Variants in DOCK1 observed in about 807,000 individuals in gnomAD.
DOCK1 encodes dedicator of cytokinesis 1, also known as dedicator of cytokinesis protein 1.
A neutral mutation model predicts 262.7 loss-of-function variants in DOCK1; 138 were observed. The ratio of observed to expected loss-of-function variants is 0.53; its 90% CI spans 0.46 to 0.61. DOCK1 has a LOEUF of 0.61. Among genes scored for constraint, DOCK1 ranks in the 20% least tolerant of loss-of-function variants. The probability of loss-of-function intolerance (pLI) is 0.00; values close to 1 mark genes in which losing one functional copy is unlikely to be tolerated. For synonymous variants in DOCK1, 866 were observed against 867.4 expected (o/e 1.00, Z 0.03); for missense variants, 1,908 against 2,370.7 (o/e 0.80, Z 4.05).
At chr10:127,324,091 A>G (rs891416953) in intron 29 of DOCK1, among the ~76,000 whole-genome samples, 3 of 152,216 alleles carry the variant, frequency 2.0e-5, no homozygotes, top group Non-Finnish European at 4.4e-5. Context: ...GGAAACAAAG[A>G]TACTCTCAAG....
rs1316504 is a variant in DOCK1 at position 127,256,460 on chromosome 10, G to A, written c.2950-875G>A. 7.0e-3 allele frequency among the ~76,000 whole-genome samples: 1,058 copies of A among 152,204 alleles called. 53 individuals carry two copies. The East Asian group carries it at 0.14, about 21-fold the overall frequency. On this transcript the variant is annotated intron_variant, in intron 28 of 51. Coordinates refer to ENST00000623213, the MANE Select transcript of DOCK1 (RefSeq NM_001290223.2). ...GCCTCATTTTTCTAAGACAGTTCTC[G>A]GTTGTCTTTTCATTTCCTACCTTGA... is the stretch of plus-strand genomic sequence containing the variant.
At chr10:127,443,255 G>T (rs1190300895) in intron 49 of DOCK1, among the ~76,000 whole-genome samples, 1 of 152,198 alleles carries the variant, frequency 6.6e-6, no homozygotes, top group Non-Finnish European at 1.5e-5. Context: ...CTGTTACTGG[G>T]AAGTGTGCAG....
At chr10:127,072,359 G>C (rs570914377) in intron 23 of DOCK1, among the ~76,000 whole-genome samples, 1 of 152,256 alleles carries the variant, frequency 6.6e-6, no homozygotes, top group East Asian at 1.9e-4. Context: ...TGGTTCCATT[G>C]GAGTGAGCAA....
intron 27 of DOCK1, among the ~76,000 whole-genome samples, chr10:127,237,688 A>G (rs1265757214): frequency 1.3e-5 from 2 of 152,216 alleles, no homozygotes; most frequent in Non-Finnish European, 2.9e-5. Flanking sequence ...AAGTTAAAAT[A>G]CCTAAATCAT....
rs2063716886 is a variant in DOCK1, at chr10:127,347,878, C to T, written c.3224+4132C>T. Among the ~76,000 whole-genome samples the T allele has an allele frequency of 1.6e-4, 8 of 50,520 alleles. 1 individual carries two copies. The highest frequency in any genetic ancestry group is 1.1e-3 in the Admixed American group (6 of 5,660). The allele number at this position is 50,520 out of a possible 152,430, so 33.1% of individuals were successfully genotyped here. A position where few individuals can be genotyped will look rare whatever the true frequency, so the allele number is the denominator to read the frequency against. Reference sequence around the variant, plus strand: ...CCTTCCCTTCCCTTCCCTTCCCTTCCCTTCCCATCCCTTCCCTTCCCCCTT... The same window carrying T: ...CCTTCCCTTCCCTTCCCTTCCCTTCTCTTCCCATCCCTTCCCTTCCCCCTT... On this transcript the variant is annotated intron_variant, in intron 31 of 51. Coordinates refer to ENST00000623213, the MANE Select transcript of DOCK1 (RefSeq NM_001290223.2).
intron 10 of DOCK1, among the ~76,000 whole-genome samples, chr10:127,002,530 G>A (rs1339246622): frequency 6.6e-6 from 1 of 152,194 alleles, no homozygotes; most frequent in East Asian, 1.9e-4. Flanking sequence ...GCCTTCCACT[G>A]TTTCTTACAT....
chr10:127,030,898 T>C (rs776911471), intron 16 of DOCK1, among the ~76,000 whole-genome samples: 84 of 136,018 alleles, frequency 6.2e-4, no homozygotes, highest in Non-Finnish European at 1.4e-4. Flanking sequence ...ATCACGAAAA[T>C]AAATCAGGTG....
In DOCK1 at chr10:127,362,138, C is replaced by A; in HGVS notation, c.3358C>A (p.Leu1120Met). ...LEMTLIPETE[L>M]RKATIPIFFD... ...AATGACATTAATTCCCGAGACGGAG[C>A]TGCGCAAAGCCACCATCCCCATCTT... Residue 1120 changes from leucine to methionine, a missense_variant, in exon 33 of 52, where the codon CTG becomes ATG. Physicochemically the swap from Leu to Met is conservative, Grantham distance 15. Transcript: ENST00000623213. 1 of 1,613,850 alleles carries A rather than the reference C, an allele frequency of 6.2e-7. No individual in the cohort carries two copies. Among genetic ancestry groups the A allele is most frequent in the Non-Finnish European group, 8.5e-7 (1 of 1,179,842 alleles).
intron 14 of DOCK1, among the ~76,000 whole-genome samples, chr10:127,023,542 CTTTT>C (rs10652401): frequency 2.4e-5 from 3 of 124,378 alleles, no homozygotes; most frequent in African/African-American, 3.1e-5. Context: ...TCCCTGTGGT[CTTTT>C]TTTTTTTTTT....
rs1168200373 is a variant in DOCK1, at chr10:127,218,611, C to G, written c.2848-29397C>G. ...AATGAAGCAGTGGTTTTTCAAAGCT[C>G]ACACATGACCGTATGGACTCTGCAC... On this transcript the variant is annotated intron_variant, in intron 27 of 51. Transcript: ENST00000623213. 2.6e-5 allele frequency among the ~76,000 whole-genome samples: 4 copies of G among 152,168 alleles called. No homozygotes were observed. The East Asian group carries it at 7.7e-4, about 29-fold the overall frequency.
Position 127,197,125 on chromosome 10 carries a change from A to T in DOCK1, c.2848-50883A>T, listed in dbSNP as rs576217691. Among the ~76,000 whole-genome samples, 118 of 152,260 alleles carry T rather than the reference A, an allele frequency of 7.7e-4. No individual in the cohort carries two copies. The South Asian group carries it at 0.016, about 20-fold the overall frequency. The stretch of plus-strand genomic sequence containing the variant: ...GGTGTCAGCCTCTCTACATGGGGAC[A>T]GGAGGTCCTATGAGTGGCCTGAGGA... On this transcript the variant is annotated intron_variant, in intron 27 of 51. Coordinates refer to ENST00000623213, the MANE Select transcript of DOCK1 (RefSeq NM_001290223.2).
chr10:127,048,047 G>A (rs1355479445), intron 21 of DOCK1, among the ~76,000 whole-genome samples: 2 of 152,174 alleles, frequency 1.3e-5, no homozygotes, highest in African/African-American at 4.8e-5. Context: ...GAATTGCCGG[G>A]CTAAAGGATA....
At chr10:127,187,221 C>A (rs528039445) in intron 27 of DOCK1, among the ~76,000 whole-genome samples, 5 of 152,216 alleles carry the variant, frequency 3.3e-5, no homozygotes, top group Non-Finnish European at 4.4e-5. Context: ...TTGCCTCTAT[C>A]TTTTTATCTC....
At chr10:127,194,578 T>C (rs372825028) in intron 27 of DOCK1, among the ~76,000 whole-genome samples, 5 of 152,222 alleles carry the variant, frequency 3.3e-5, no homozygotes, top group South Asian at 2.1e-4. Context: ...TTATATCATT[T>C]TCATGTATGT....
chr10:127,211,995 CA>C (rs1366697377), intron 27 of DOCK1, among the ~76,000 whole-genome samples: 2 of 152,172 alleles, frequency 1.3e-5, no homozygotes, highest in Non-Finnish European at 2.9e-5. Context: ...ATTAAATTTG[CA>C]TTTGAGAATA....
chr10:127,413,826 T>TA (rs537278701), intron 43 of DOCK1, among the ~76,000 whole-genome samples: 116 of 152,300 alleles, frequency 7.6e-4, no homozygotes, highest in Middle Eastern at 6.8e-3. Flanking sequence ...CCTGTGTCCT[T>TA]ATGGCTTCAG....
At chr10:127,276,167 A>G (rs2060734061) in intron 29 of DOCK1, among the ~76,000 whole-genome samples, 1 of 152,194 alleles carries the variant, frequency 6.6e-6, no homozygotes, top group Admixed American at 6.5e-5. Flanking sequence ...CCCTCATCAG[A>G]CTTGCTCCCA....
At chr10:127,374,318 C>G in intron 35 of DOCK1, 104 bp downstream of exon 35, 1 of 1,379,096 alleles carries the variant, frequency 7.3e-7, no homozygotes, top group Non-Finnish European at 9.6e-7. Context: ...ACGAAGCTTT[C>G]CACCGCAGAA....
intron 1 of DOCK1, among the ~76,000 whole-genome samples, chr10:126,907,942 C>T (rs1411382793): frequency 2.6e-5 from 4 of 151,868 alleles, no homozygotes; most frequent in Non-Finnish European, 4.4e-5. Flanking sequence ...TTTTAAAAGG[C>T]GAAAAGTATC....
Sources: allele counts gnomAD v4.1 joint callset (sites outside exome capture counted in the v4.1 genomes callset), GRCh38; gene constraint gnomAD v4.1.1; transcripts MANE v1.5; gene names NCBI Gene and HGNC (gene_info 2026-07-23, HGNC 2026-07-21).